Variants in ACADSB observed in about 807,000 individuals in gnomAD.
ACADSB encodes short/branched chain specific acyl-CoA dehydrogenase, mitochondrial.
A neutral mutation model predicts 54.1 loss-of-function variants in ACADSB; 40 were observed. The observed-to-expected ratio is 0.74, with a 90% CI of 0.57 to 0.96. The LOEUF (loss-of-function observed/expected upper bound fraction) is 0.96. ACADSB is among the 40% of genes least tolerant of loss of function. The probability of loss-of-function intolerance (pLI) is 0.00; values close to 1 mark genes in which losing one functional copy is unlikely to be tolerated. For synonymous variants in ACADSB, 182 were observed against 182.8 expected, an observed-to-expected ratio of 1.00 and a Z score of 0.03; for missense variants, 530 against 510.4, an observed-to-expected ratio of 1.04 and a Z score of -0.37.
At chr10:123,033,536 T>C (rs11597782) in intron 1 of ACADSB, among the ~76,000 whole-genome samples, 45,842 of 152,114 alleles carry the variant, frequency 0.3, 8,059 homozygotes, top group Non-Finnish European at 0.39. Context: ...ACTGCTGCTG[T>C]TTCTGTGATG....
chr10:123,013,937 G>T (rs1487337716), intron 1 of ACADSB, among the ~76,000 whole-genome samples: 1 of 152,224 alleles, frequency 6.6e-6, no homozygotes, highest in Non-Finnish European at 1.5e-5. Flanking sequence ...GGCCAGCCTA[G>T]AGAAGGGCTC....
chr10:123,040,032 T>A (rs1850449028), intron 3 of ACADSB, among the ~76,000 whole-genome samples: 1 of 151,956 alleles, frequency 6.6e-6, no homozygotes, highest in Admixed American at 6.6e-5. Flanking sequence ...AAAATATAAA[T>A]ACAAAATTTT....
intron 1 of ACADSB, among the ~76,000 whole-genome samples, chr10:123,022,918 C>G (rs1033448067): frequency 1.3e-5 from 2 of 152,136 alleles, no homozygotes; most frequent in South Asian, 2.1e-4. Context: ...AAAAATTTAC[C>G]TAAAACATTT....
At chr10:123,041,914 A>C (rs1357126121) in intron 5 of ACADSB, among the ~76,000 whole-genome samples, 1 of 151,518 alleles carries the variant, frequency 6.6e-6, no homozygotes, top group African/African-American at 2.4e-5. Context: ...TGGAGGACCA[A>C]CTGTTACTTA....
At chr10:123,013,872 C>G (rs1233903294) in intron 1 of ACADSB, among the ~76,000 whole-genome samples, 4 of 152,204 alleles carry the variant, frequency 2.6e-5, no homozygotes, top group Non-Finnish European at 4.4e-5. Flanking sequence ...CTGGTTCCCG[C>G]CCATGCCTCT....
chr10:123,031,467 T>C (rs908564764), intron 1 of ACADSB, among the ~76,000 whole-genome samples: 2 of 152,182 alleles, frequency 1.3e-5, no homozygotes, highest in African/African-American at 2.4e-5. Flanking sequence ...TGTGGTACAA[T>C]GGGTTATAAC....
At chr10:123,029,337 T>C (rs1240489169) in intron 1 of ACADSB, among the ~76,000 whole-genome samples, 1 of 151,062 alleles carries the variant, frequency 6.6e-6, no homozygotes, top group Non-Finnish European at 1.5e-5. Flanking sequence ...TAAAGCAAGA[T>C]TCTGTCTCAA....
In ACADSB at chr10:123,043,035, C is replaced by A; in HGVS notation, c.682-11C>A. The A allele has an allele frequency of 6.2e-7, 1 of 1,612,684 alleles. No individual in the cohort carries two copies. The highest frequency in any genetic ancestry group is 8.5e-7 in the Non-Finnish European group (1 of 1,179,026). On this transcript the variant is annotated splice_polypyrimidine_tract_variant and intron_variant, in intron 5 of 10. Transcript: ENST00000358776. The stretch of plus-strand genomic sequence containing the variant: ...TCCAAGTGGTAATAGCGTTTTAATT[C>A]TTCTTTTTAGGGATATAAGGGAATT...
chr10:123,037,272 C>G (rs1850412268), intron 2 of ACADSB, among the ~76,000 whole-genome samples: 1 of 152,138 alleles, frequency 6.6e-6, no homozygotes, highest in African/African-American at 2.4e-5. Flanking sequence ...TGAAAACGAC[C>G]AGGTTAGATG....
intron 1 of ACADSB, among the ~76,000 whole-genome samples, chr10:123,025,086 A>G (rs1375933705): frequency 1.3e-5 from 2 of 152,148 alleles, no homozygotes; most frequent in African/African-American, 2.4e-5. Flanking sequence ...ACAGAGTGAG[A>G]CTGTCATGAA....
At chr10:123,043,243 A>G in intron 6 of ACADSB, 72 bp downstream of exon 6, 1 of 1,588,096 alleles carries the variant, frequency 6.3e-7, no homozygotes, top group Non-Finnish European at 8.6e-7. Context: ...GGAGGTGTGC[A>G]AGACAGGTGT....
intron 1 of ACADSB, among the ~76,000 whole-genome samples, chr10:123,030,268 G>C (rs1850308042): frequency 1.3e-5 from 2 of 152,214 alleles, no homozygotes; most frequent in Admixed American, 1.3e-4. Flanking sequence ...GCTCACGCCA[G>C]TAATCCCAGC....
intron 1 of ACADSB, 135 bp downstream of exon 1, chr10:123,009,206 T>C: frequency 9.7e-7 from 1 of 1,031,130 alleles, no homozygotes; most frequent in Non-Finnish European, 1.4e-6. Context: ...CCCAGACTCT[T>C]TACCCGCGGG....
In ACADSB at chr10:123,053,727, T is replaced by A. The variant is rs745637698; in HGVS notation, c.1261T>A (p.Leu421Met). The A allele has an allele frequency of 3.7e-6, 6 of 1,614,108 alleles. No individual in the cohort carries two copies. The East Asian group carries it at 1.3e-4, about 36-fold the overall frequency. The change falls in exon 11 of 11, where the codon TTG (leucine) becomes ATG (methionine). Residue 421 changes from leucine (L) to methionine (M), a missense_variant. Transcript: ENST00000358776. Reference sequence around the variant, plus strand: ...ATATGAAGGAGCTTCCAACATCCAGTTGAACACCATTGCAAAGCATATCGA... The same window carrying A: ...ATATGAAGGAGCTTCCAACATCCAGATGAACACCATTGCAAAGCATATCGA... Reference protein sequence around the residue: ...TIYEGASNIQLNTIAKHIDAE... With the variant: ...TIYEGASNIQMNTIAKHIDAE...
At chr10:123,040,785 T>C in intron 4 of ACADSB, 113 bp downstream of exon 4, 1 of 974,226 alleles carries the variant, frequency 1.0e-6, no homozygotes, top group Non-Finnish European at 1.6e-6. Context: ...CACAATGCGG[T>C]ATCATTAATT....
intron 1 of ACADSB, among the ~76,000 whole-genome samples, chr10:123,029,658 A>T (rs1850301937): frequency 6.6e-6 from 1 of 152,182 alleles, no homozygotes; most frequent in African/African-American, 2.4e-5. Flanking sequence ...CTGCTATAAG[A>T]TATTCTGTTG....
At position 123,053,077 on chromosome 10, in the gene ACADSB, C is replaced by T. The variant is rs772084235; in HGVS notation, c.1145C>T (p.Thr382Met). Residue 382 changes from threonine to methionine, a missense_variant, in exon 10 of 11, where the codon ACG (threonine) becomes ATG (methionine). Coordinates refer to ENST00000358776, the MANE Select transcript of ACADSB (RefSeq NM_001609.4). ...YYASEIAGQT[T>M]SKCIEWMGGV... is the part of the protein sequence containing the mutation. ...TTTTGGTAGATTGCAGGACAAACAA[C>T]GAGTAAATGTATCGAGTGGATGGGG... is the stretch of plus-strand genomic sequence containing the variant. The T allele has an allele frequency of 2.9e-5, 46 of 1,613,686 alleles. No individual in the cohort carries two copies. The South Asian group carries it at 3.1e-4, about 11-fold the overall frequency.
chr10:123,009,241 A>C (rs1849964370), intron 1 of ACADSB, among the ~76,000 whole-genome samples, 170 bp downstream of exon 1: 2 of 152,084 alleles, frequency 1.3e-5, no homozygotes, highest in Non-Finnish European at 2.9e-5. Context: ...GACCCCCTTC[A>C]GGCCTCTGGT....
At position 123,009,015 on chromosome 10, in the gene ACADSB, A is replaced by G. The variant is rs546197770; in HGVS notation, c.-15A>G. Reference sequence around the variant, plus strand: ...AGAGACCCAGAGGCGCAGAGCGGAGAGGCCTGCGGCGAGGATGGAGGGCCT... The same window carrying G: ...AGAGACCCAGAGGCGCAGAGCGGAGGGGCCTGCGGCGAGGATGGAGGGCCT... On this transcript the variant is annotated 5_prime_UTR_variant, in exon 1 of 11. Transcript: ENST00000358776. 123 of 1,547,562 alleles carry G rather than the reference A, an allele frequency of 7.9e-5. No individual in the cohort carries two copies. The highest frequency in any genetic ancestry group is 1.0e-4 in the Non-Finnish European group (120 of 1,146,788).
Sources: gnomAD v4.1 joint callset for allele counts (sites outside exome capture counted in the v4.1 genomes callset) on GRCh38, gnomAD v4.1.1 for gene constraint, MANE v1.5 for transcripts, NCBI Gene and HGNC (gene_info 2026-07-23, HGNC 2026-07-21) for gene names.